TAF6: variants seen among roughly 807,000 people sequenced by gnomAD.
The protein encoded by TAF6 is TATA-box binding protein associated factor 6, also known as transcription initiation factor TFIID subunit 6.
TAF6 carries 50 observed loss-of-function variants against 73.5 expected under a neutral mutation model. The observed-to-expected ratio is 0.68, with a 90% CI of 0.54 to 0.86. TAF6 has a LOEUF of 0.86. Ranked by LOEUF, TAF6 falls within the 40% of genes least tolerant of loss-of-function variation. TAF6 has a pLI of 0.00. For synonymous variants in TAF6, 424 were observed against 376.7 expected (o/e 1.13, Z -1.45); for missense variants, 768 against 899.5 (o/e 0.85, Z 1.87).
intron 1 of TAF6, 66 bp downstream of exon 1, chr7:100,119,138 T>C: frequency 2.0e-6 from 2 of 986,688 alleles, no homozygotes; most frequent in Non-Finnish European, 2.4e-6. Context: ...CCACCCCATC[T>C]CCTGCAACAT....
upstream of TAF6, chr7:100,122,146 AGTCT>A (rs1361028677): frequency 4.5e-6 from 6 of 1,344,164 alleles, no homozygotes; most frequent in Non-Finnish European, 6.1e-6. Flanking sequence ...CAACCCAGCC[AGTCT>A]GGCTCCATAG....
upstream of TAF6, chr7:100,121,951 G>T: frequency 3.7e-6 from 1 of 268,768 alleles, no homozygotes; most frequent in South Asian, 3.6e-5. Flanking sequence ...TCGGGAGACT[G>T]AGGCAGGAGA....
upstream of TAF6, chr7:100,121,119 T>TACA (rs1798048949): frequency 2.1e-4 from 8 of 38,420 alleles, no homozygotes; most frequent in Admixed American, 1.2e-3. Flanking sequence ...TATATATATT[T>TACA]TTTTTTTTTT....
intron 1 of TAF6, among the ~76,000 whole-genome samples, chr7:100,117,228 G>A (rs947760685): frequency 6.6e-6 from 1 of 150,702 alleles, no homozygotes; most frequent in Non-Finnish European, 1.5e-5. Context: ...CCTGGCAACA[G>A]AGTGAGACCC....
chr7:100,113,838 ACCCCC>A, intron 3 of TAF6, 25 bp downstream of exon 3: 1 of 1,490,344 alleles, frequency 6.7e-7, no homozygotes, highest in Non-Finnish European at 9.2e-7. Context: ...ATGGCGTCTC[ACCCCC>A]CCCCCGCCTG....
At chr7:100,125,721 G>A in the TAF6 span, among the ~76,000 whole-genome samples, 5 of 152,044 alleles carry the variant, frequency 3.3e-5, no homozygotes, top group Non-Finnish European at 7.4e-5. Flanking sequence ...AGGTGGAGAT[G>A]GGAGGATCAC....
intron 12 of TAF6, among the ~76,000 whole-genome samples, chr7:100,109,460 G>A (rs973422027): frequency 3.3e-5 from 5 of 152,158 alleles, no homozygotes; most frequent in African/African-American, 1.2e-4. Context: ...AGGAGCATTG[G>A]GGAAGGATGG....
At chr7:100,108,784 C>T in intron 12 of TAF6, 1 of 369,826 alleles carries the variant, frequency 2.7e-6, no homozygotes. Context: ...GGCCTGTATC[C>T]CAGCACTTGG....
Position 100,113,721 on chromosome 7 carries a change from A to T in TAF6, c.292T>A (p.Ser98Thr). The T allele has an allele frequency of 6.2e-7, 1 of 1,613,898 alleles. No individual in the cohort carries two copies. Reference protein sequence around the residue: ...AQEFIPFRFASGGGRELYFYE... With the variant: ...AQEFIPFRFATGGGRELYFYE... ...AAGTAAAGCTCCCGGCCCCCACCAG[A>T]GGCGAAGCGGAAAGGAATGAACTCC... Residue 98 changes from serine (S) to threonine (T), a missense_variant, in exon 4 of 15, where the codon TCT (serine) becomes ACT (threonine). This residue lies in a region of TAF6 where 269 missense variants were observed against 268.0 expected (regional missense o/e 1.00). Transcript: ENST00000453269.
chr7:100,121,698 C>A (rs1798072322), upstream of TAF6, among the ~76,000 whole-genome samples: 1 of 151,860 alleles, frequency 6.6e-6, no homozygotes, highest in African/African-American at 2.4e-5. Context: ...CCTCAGCCTC[C>A]CAAAGTGCTG....
intron 14 of TAF6, 40 bp downstream of exon 14, chr7:100,107,886 C>T: frequency 6.4e-7 from 1 of 1,569,078 alleles, no homozygotes; most frequent in Non-Finnish European, 8.7e-7. Flanking sequence ...TGAGGTAACC[C>T]AGGCCCTCCA....
chr7:100,110,177 T>C (rs1797038703), intron 11 of TAF6, 23 bp downstream of exon 11: 2 of 1,613,992 alleles, frequency 1.2e-6, no homozygotes, highest in South Asian at 2.2e-5. Context: ...CCCTCCCCCA[T>C]TTCTTCCTCC....
chr7:100,112,134 C>T lies in TAF6; in HGVS notation c.694G>A (p.Val232Met). Residue 232 changes from valine (V) to methionine (M), a missense_variant, in exon 7 of 15, where the codon GTG becomes ATG. By Grantham distance (21) the Val-to-Met change is conservative. This residue lies in a region of TAF6 where 78 missense variants were observed against 153.4 expected (regional missense o/e 0.51). Coordinates refer to ENST00000453269, the MANE Select transcript of TAF6 (RefSeq NM_139315.3). ...LYYKEITEAC[V>M]GSCEAKRAEA... Reference sequence around the variant, plus strand: ...GCCCTCTTGGCCTCGCAGGAGCCCACGCAGGCCTCGGTGATCTCCTTGTAG... The same window carrying T: ...GCCCTCTTGGCCTCGCAGGAGCCCATGCAGGCCTCGGTGATCTCCTTGTAG... 2 of 1,613,868 alleles carry T rather than the reference C, an allele frequency of 1.2e-6. No individual in the cohort carries two copies. The highest frequency in any genetic ancestry group is 1.7e-6 in the Non-Finnish European group (2 of 1,179,894).
chr7:100,119,843 C>T (rs1442048412), upstream of TAF6: 4 of 1,612,332 alleles, frequency 2.5e-6, no homozygotes, highest in Non-Finnish European at 3.4e-6. Flanking sequence ...ACACAGAACG[C>T]TTGCCCAGCA....
chr7:100,119,899 G>C (rs780676444), upstream of TAF6: 4 of 1,546,602 alleles, frequency 2.6e-6, 1 homozygote, highest in South Asian at 4.7e-5. Flanking sequence ...GCATCGCCCG[G>C]CCACACCTCC....
At chr7:100,125,004 T>C in the TAF6 span, 1 of 1,227,124 alleles carries the variant, frequency 8.1e-7, no homozygotes, top group South Asian at 1.5e-5. Context: ...CCCAAGCTTG[T>C]AGCTGTTCTC....
upstream of TAF6, chr7:100,124,646 TG>T: frequency 6.2e-7 from 1 of 1,612,168 alleles, no homozygotes; most frequent in Non-Finnish European, 8.5e-7. Flanking sequence ...GCGTAAGGGT[TG>T]AACTCCTCTC....
the TAF6 span, among the ~76,000 whole-genome samples, chr7:100,126,349 A>C: frequency 6.6e-6 from 1 of 152,208 alleles, no homozygotes; most frequent in South Asian, 2.1e-4. Flanking sequence ...CTCAAAAAAA[A>C]CCAAAAAAAA....
upstream of TAF6, chr7:100,122,191 C>T (rs748344981): frequency 3.0e-5 from 48 of 1,593,848 alleles, no homozygotes; most frequent in Non-Finnish European, 4.0e-5. Context: ...TGCCTCAGGT[C>T]ATCTGCAGAA....
Sources: gnomAD v4.1 joint callset for allele counts (sites outside exome capture counted in the v4.1 genomes callset) on GRCh38, gnomAD v4.1.1 for gene constraint, gnomAD v4.1.1 regional missense constraint, MANE v1.5 for transcripts, NCBI Gene and HGNC (gene_info 2026-07-23, HGNC 2026-07-21) for gene names.